PKN2: variants seen among roughly 807,000 people sequenced by gnomAD.
PKN2 encodes the protein protein kinase N2.
A neutral mutation model predicts 119.1 loss-of-function variants in PKN2; 38 were observed. That is an observed-to-expected ratio of 0.32 (90% confidence interval 0.25 to 0.42). The LOEUF is 0.42. Among genes scored for constraint, PKN2 ranks in the 10% least tolerant of loss-of-function variants. The pLI, the probability that PKN2 is intolerant of heterozygous loss-of-function variation, is 1.00. For synonymous variants in PKN2, 390 were observed against 384.9 expected, an observed-to-expected ratio of 1.01 and a Z score of -0.15; for missense variants, 850 against 1,165.1, an observed-to-expected ratio of 0.73 and a Z score of 3.94.
intron 1 of PKN2, among the ~76,000 whole-genome samples, chr1:88,703,926 C>A (rs1432833518): frequency 1.3e-5 from 2 of 151,894 alleles, no homozygotes; most frequent in Admixed American, 1.3e-4. Context: ...GGAGGCTAAT[C>A]CTGTATATAG....
chr1:88,693,663 A>C (rs1015005740), intron 1 of PKN2, among the ~76,000 whole-genome samples: 1 of 152,188 alleles, frequency 6.6e-6, no homozygotes, highest in African/African-American at 2.4e-5. Context: ...GTGAGCTGGA[A>C]TCGTGTCATT....
chr1:88,703,907 T>C (rs892423285), intron 1 of PKN2, among the ~76,000 whole-genome samples: 1 of 152,146 alleles, frequency 6.6e-6, no homozygotes, highest in African/African-American at 2.4e-5. Context: ...ATCCTTGATA[T>C]TAGTAAAGGG....
At chr1:88,819,401 A>T (rs555463010) in intron 16 of PKN2, among the ~76,000 whole-genome samples, 133 of 152,276 alleles carry the variant, frequency 8.7e-4, no homozygotes, top group African/African-American at 2.7e-3. Flanking sequence ...TATCCAAAAA[A>T]CATATGAAAA....
intron 21 of PKN2, 30 bp from the exon 22 acceptor site, chr1:88,833,206 TAACAAACTA>T (rs1215506640): frequency 1.2e-6 from 2 of 1,609,442 alleles, no homozygotes; most frequent in South Asian, 2.2e-5. Context: ...CGATTAGATT[TAACAAACTA>T]AACTAGTCAT....
intron 1 of PKN2, among the ~76,000 whole-genome samples, chr1:88,709,728 T>C (rs1305445010): frequency 6.6e-6 from 1 of 152,226 alleles, no homozygotes; most frequent in Admixed American, 6.5e-5. Context: ...ATACATGTTA[T>C]TATTTATTCA....
Position 88,789,767 on chromosome 1 carries a change from C to T in PKN2, c.1281+3554C>T, listed in dbSNP as rs1043640740. ...GTTTCTAATTTTCAGAAATTTTTGA[C>T]TCACACTACATGAAAGAAGATTGGA... On this transcript the variant is annotated intron_variant, in intron 8 of 21. Coordinates refer to ENST00000370521, the MANE Select transcript of PKN2 (RefSeq NM_006256.4). 8.5e-5 allele frequency among the ~76,000 whole-genome samples: 13 copies of T among 152,048 alleles called. No homozygotes were observed. The East Asian group carries it at 2.1e-3, about 25-fold the overall frequency.
intron 18 of PKN2, among the ~76,000 whole-genome samples, chr1:88,826,183 C>G (rs568639556): frequency 7.9e-5 from 12 of 152,302 alleles, no homozygotes; most frequent in African/African-American, 2.9e-4. Flanking sequence ...CTGTGTCTTA[C>G]TCTCGTTTTT....
At chr1:88,769,270 A>T (rs1669790380) in intron 3 of PKN2, among the ~76,000 whole-genome samples, 1 of 152,136 alleles carries the variant, frequency 6.6e-6, no homozygotes, top group South Asian at 2.1e-4. Context: ...TCATTTTTTG[A>T]CATTAAAGTG....
rs190966427 is a variant in PKN2 at position 88,778,310 on chromosome 1, C to G, written c.986-6329C>G. 5.9e-5 allele frequency among the ~76,000 whole-genome samples: 9 copies of G among 152,342 alleles called. No individual in the cohort carries two copies. In the East Asian group the frequency reaches 1.2e-3, roughly 20 times the overall value. The stretch of plus-strand genomic sequence containing the variant: ...TTTACTATATAGTCATCTGGTGTTT[C>G]AACAGACATTTCCTTTAATTCCTGA... On this transcript the variant is annotated intron_variant, in intron 6 of 21. Coordinates refer to ENST00000370521, the MANE Select transcript of PKN2 (RefSeq NM_006256.4).
intron 1 of PKN2, among the ~76,000 whole-genome samples, chr1:88,689,229 G>C (rs1666236371): frequency 6.6e-6 from 1 of 152,174 alleles, no homozygotes; most frequent in Admixed American, 6.5e-5. Flanking sequence ...ATGTGGAAAA[G>C]CACAAAAGAA....
At chr1:88,810,996 TAATA>T (rs1324070867) in intron 15 of PKN2, among the ~76,000 whole-genome samples, 3 of 152,226 alleles carry the variant, frequency 2.0e-5, no homozygotes, top group African/African-American at 7.2e-5. Flanking sequence ...TTACCTTTTT[TAATA>T]AATCATAGAA....
At chr1:88,820,231 TATAA>T (rs1557635030) in intron 16 of PKN2, among the ~76,000 whole-genome samples, 28 of 55,080 alleles carry the variant, frequency 5.1e-4, no homozygotes, top group African/African-American at 1.4e-3. Flanking sequence ...TATATATATA[TATAA>T]ATAGAAAAAA....
At chr1:88,744,980 ATACTT>A (rs1248637130) in intron 2 of PKN2, among the ~76,000 whole-genome samples, 2 of 152,202 alleles carry the variant, frequency 1.3e-5, no homozygotes, top group Non-Finnish European at 2.9e-5. Context: ...CATCTTCTAA[ATACTT>A]TAAAGATGAT....
intron 3 of PKN2, among the ~76,000 whole-genome samples, chr1:88,766,737 T>G (rs1669683082): frequency 6.6e-6 from 1 of 152,210 alleles, no homozygotes; most frequent in African/African-American, 2.4e-5. Flanking sequence ...TACTCCAGCC[T>G]TATCTCTTCC....
chr1:88,737,962 C>G (rs1003381320), intron 1 of PKN2, among the ~76,000 whole-genome samples: 2 of 152,050 alleles, frequency 1.3e-5, no homozygotes, highest in Admixed American at 6.5e-5. Flanking sequence ...TTGGCTCTTG[C>G]GAAGTTACTT....
chr1:88,813,885 A>T (rs188881149), intron 16 of PKN2, 152 bp downstream of exon 16: 511 of 586,568 alleles, frequency 8.7e-4, no homozygotes, highest in African/African-American at 8.7e-3. Flanking sequence ...TTTTTGCCAT[A>T]TACTTTTTGT....
At chr1:88,811,916 T>C (rs1488046970) in intron 15 of PKN2, among the ~76,000 whole-genome samples, 1 of 152,164 alleles carries the variant, frequency 6.6e-6, no homozygotes, top group Non-Finnish European at 1.5e-5. Flanking sequence ...TAGAGCAAGA[T>C]TTAGGTAGAG....
rs1669861467 is a variant in PKN2 at position 88,770,795 on chromosome 1, C to T, written c.622+326C>T. Reference sequence around the variant, plus strand: ...AGAGACGGGGTTTCACCGTTTTAGCCGGGATGGTCTCGATCTCCTGACCTC... The same window carrying T: ...AGAGACGGGGTTTCACCGTTTTAGCTGGGATGGTCTCGATCTCCTGACCTC... On this transcript the variant is annotated intron_variant, in intron 4 of 21. Transcript: ENST00000370521. 1.3e-5 allele frequency among the ~76,000 whole-genome samples: 2 copies of T among 151,056 alleles called. 1 individual carries two copies. The highest frequency in any genetic ancestry group is 6.9e-3 in the Middle Eastern group (2 of 290).
At chr1:88,692,764 T>C (rs1481896701) in intron 1 of PKN2, among the ~76,000 whole-genome samples, 1 of 152,234 alleles carries the variant, frequency 6.6e-6, no homozygotes, top group African/African-American at 2.4e-5. Flanking sequence ...GTGTACATTG[T>C]GAATGTCTTC....
Sources: allele counts gnomAD v4.1 joint callset (sites outside exome capture counted in the v4.1 genomes callset), GRCh38; gene constraint gnomAD v4.1.1; transcripts MANE v1.5; gene names NCBI Gene and HGNC (gene_info 2026-07-23, HGNC 2026-07-21).